Variants in CXCL6 observed in about 807,000 individuals in gnomAD.
CXCL6 encodes C-X-C motif chemokine ligand 6, also known as C-X-C motif chemokine 6.
CXCL6 carries 18 observed loss-of-function variants against 10.5 expected under a neutral mutation model. The ratio of observed to expected loss-of-function variants is 1.71; its 90% CI spans 1.18 to 2.54. The LOEUF is 2.54. CXCL6 is among the 30% of genes most tolerant of loss of function. The probability of loss-of-function intolerance (pLI) is 0.00; values close to 1 mark genes in which losing one functional copy is unlikely to be tolerated. For missense variants in CXCL6, 171 were observed against 145.7 expected, an observed-to-expected ratio of 1.17 and a Z score of -0.90; for synonymous variants, 82 against 68.3, an observed-to-expected ratio of 1.20 and a Z score of -0.99.
In CXCL6 at chr4:73,836,785, C is replaced by T. The variant is rs747964724; in HGVS notation, c.35C>T (p.Pro12Leu). 1.9e-6 allele frequency: 3 copies of T among 1,611,726 alleles called. No homozygotes were observed. Among genetic ancestry groups the T allele is most frequent in the East Asian group, 4.5e-5 (2 of 44,814 alleles). ...CCGTCCAGCCGCGCGGCCCGTGTCCCGGGTCCTTCGGGCTCCTTGTGCGCG... is the reference window on the plus strand; with the variant it reads ...CCGTCCAGCCGCGCGGCCCGTGTCCTGGGTCCTTCGGGCTCCTTGTGCGCG... ...SLPSSRAARV[P>L]GPSGSLCALL... Residue 12 changes from proline to leucine, a missense_variant, in exon 1 of 4, where the codon CCG becomes CTG. By Grantham distance (98) the Pro-to-Leu change is moderately conservative. Transcript: ENST00000226317.
Position 73,838,292 on chromosome 4 carries a change from C to T in CXCL6, c.*651C>T, listed in dbSNP as rs1445603899. The T allele has an allele frequency of 6.6e-6, 1 of 152,084 alleles. No individual in the cohort carries two copies. Among genetic ancestry groups the T allele is most frequent in the Non-Finnish European group, 1.5e-5 (1 of 68,000 alleles). 9.4% of individuals were successfully genotyped at this position (152,084 alleles called of 1,614,324 possible). ...TCCTATGGTTTTAGACGTTTGATGT[C>T]TTCTTAGTATGGCATAATGTCATGA... is the stretch of plus-strand genomic sequence containing the variant. On this transcript the variant is annotated 3_prime_UTR_variant, in exon 4 of 4. Transcript: ENST00000226317.
In CXCL6 at chr4:73,836,731, C is replaced by G. The variant is rs773061109; in HGVS notation, c.-20C>G. The stretch of plus-strand genomic sequence containing the variant: ...CGCCTCCACCCAGCTCAGGAACCCG[C>G]GAACCCTCTCTTGACCACTATGAGC... On this transcript the variant is annotated 5_prime_UTR_variant, in exon 1 of 4. Transcript: ENST00000226317. 1.9e-6 allele frequency: 3 copies of G among 1,595,472 alleles called. No homozygotes were observed. The highest frequency in any genetic ancestry group is 2.7e-5 in the African/African-American group (2 of 74,342).
intron 3 of CXCL6, 23 bp from the exon 4 acceptor site, chr4:73,837,600 T>C (rs1258879377): frequency 6.4e-7 from 1 of 1,567,446 alleles, no homozygotes; most frequent in South Asian, 1.2e-5. Context: ...TTGGTTATAC[T>C]AATATAACTC....
intron 3 of CXCL6, 92 bp from the exon 4 acceptor site, chr4:73,837,531 A>T: frequency 1.5e-6 from 2 of 1,294,406 alleles, no homozygotes; most frequent in East Asian, 4.7e-5. Flanking sequence ...GCTTTTATTG[A>T]TTTTTTTCCC....
rs1234809711 is a variant in CXCL6, at chr4:73,838,049, T to C, written c.*408T>C. ...GAAATAATGTTTTATTAGTGTGCTG[T>C]TGAGGGAGGTATCCTGTTGTTCTTA... On this transcript the variant is annotated 3_prime_UTR_variant, in exon 4 of 4. Transcript: ENST00000226317. 2.5e-5 allele frequency: 4 copies of C among 157,012 alleles called. No individual in the cohort carries two copies. Among genetic ancestry groups the C allele is most frequent in the Admixed American group, 1.9e-4 (3 of 15,408 alleles). The allele number at this position is 157,012 out of a possible 1,614,324, so 9.7% of individuals were successfully genotyped here.
intron 1 of CXCL6, 38 bp from the exon 2 acceptor site, chr4:73,836,926 C>A: frequency 6.2e-7 from 1 of 1,604,476 alleles, no homozygotes; most frequent in Non-Finnish European, 8.5e-7. Context: ...GGGAACTCTC[C>A]CAGCAACCTG....
At position 73,837,641 on chromosome 4, in the gene CXCL6, A is replaced by G; in HGVS notation, c.345A>G (p.Ter115TrpextTer26). 1 of 1,554,418 alleles carries G rather than the reference A, an allele frequency of 6.4e-7. No individual in the cohort carries two copies. Among genetic ancestry groups the G allele is most frequent in the Non-Finnish European group, 8.6e-7 (1 of 1,162,452 alleles). ...TCAACAGTGGAAACAAGAAAAACTGAGTAACAAAAAAGACCATGCATCATA... is the reference window on the plus strand; with the variant it reads ...TCAACAGTGGAAACAAGAAAAACTGGGTAACAAAAAAGACCATGCATCATA... ...KILDSGNKKN[*>W] Residue 115 changes from the stop codon to tryptophan, a stop_lost, in exon 4 of 4, where the codon TGA (stop) becomes TGG (tryptophan). Transcript: ENST00000226317.
Position 73,838,536 on chromosome 4 carries a change from T to A in CXCL6, c.*895T>A, listed in dbSNP as rs1731153411. On this transcript the variant is annotated 3_prime_UTR_variant, in exon 4 of 4. Coordinates refer to ENST00000226317, the MANE Select transcript of CXCL6 (RefSeq NM_002993.4). ...AGTTTTGAAAATATATTTGAACAATTTGAATATAAATTCATCATTTAGTCC... is the reference window on the plus strand; with the variant it reads ...AGTTTTGAAAATATATTTGAACAATATGAATATAAATTCATCATTTAGTCC... 6.6e-6 allele frequency: 1 copy of A among 152,654 alleles called. No homozygotes were observed. Among genetic ancestry groups the A allele is most frequent in the African/African-American group, 2.4e-5 (1 of 41,448 alleles). The allele number at this position is 152,654 out of a possible 1,614,324, so 9.5% of individuals were successfully genotyped here.
At position 73,838,575 on chromosome 4, in the gene CXCL6, A is replaced by G. The variant is rs1396437205; in HGVS notation, c.*934A>G. 6.6e-6 allele frequency: 1 copy of G among 152,652 alleles called. No homozygotes were observed. The highest frequency in any genetic ancestry group is 1.5e-5 in the Non-Finnish European group (1 of 68,028). The allele number at this position is 152,652 out of a possible 1,614,324, so 9.5% of individuals were successfully genotyped here. A position where few individuals can be genotyped will look rare whatever the true frequency, so the allele number is the denominator to read the frequency against. ...ATCATTTAGTCCTCAAAATATATAT[A>G]GCATTGCTAAGATTTTCAGATATCT... On this transcript the variant is annotated 3_prime_UTR_variant, in exon 4 of 4. Transcript: ENST00000226317.
intron 3 of CXCL6, 33 bp downstream of exon 3, chr4:73,837,319 A>T: frequency 1.9e-6 from 3 of 1,539,188 alleles, no homozygotes; most frequent in Non-Finnish European, 2.7e-6. Flanking sequence ...TGGTGTTTTA[A>T]TATCTTCTAT....
intron 3 of CXCL6, 84 bp downstream of exon 3, chr4:73,837,370 G>C: frequency 7.8e-7 from 1 of 1,286,796 alleles, no homozygotes. Context: ...CTCTCTGTAG[G>C]ATTTAGACTA....
chr4:73,838,349 T>G lies in CXCL6; in HGVS notation c.*708T>G, dbSNP rs1731149532. On this transcript the variant is annotated 3_prime_UTR_variant, in exon 4 of 4. Coordinates refer to ENST00000226317, the MANE Select transcript of CXCL6 (RefSeq NM_002993.4). The stretch of plus-strand genomic sequence containing the variant: ...CATTAAACTTTGATTTTGTATGCTA[T>G]TTTTTCACTATAGGATGACTATAAT... 6.6e-6 allele frequency: 1 copy of G among 152,198 alleles called. No individual in the cohort carries two copies. The highest frequency in any genetic ancestry group is 2.1e-4 in the South Asian group (1 of 4,830). 9.4% of individuals were successfully genotyped at this position (152,198 alleles called of 1,614,324 possible).
At chr4:73,837,318 A>T (rs1440946511) in intron 3 of CXCL6, 32 bp downstream of exon 3, 4 of 1,543,938 alleles carry the variant, frequency 2.6e-6, no homozygotes, top group East Asian at 4.5e-5. Context: ...GTGGTGTTTT[A>T]ATATCTTCTA....
At chr4:73,837,419 C>A in intron 3 of CXCL6, 133 bp downstream of exon 3, 1 of 1,067,156 alleles carries the variant, frequency 9.4e-7, no homozygotes, top group East Asian at 2.5e-5. Flanking sequence ...AATAAGGAAA[C>A]TTTTTTTCTG....
chr4:73,838,401 T>A lies in CXCL6; in HGVS notation c.*760T>A, dbSNP rs546476198. 1 of 152,348 alleles carries A rather than the reference T, an allele frequency of 6.6e-6. No individual in the cohort carries two copies. The highest frequency in any genetic ancestry group is 1.5e-5 in the Non-Finnish European group (1 of 68,022). 9.4% of individuals were successfully genotyped at this position (152,348 alleles called of 1,614,324 possible). On this transcript the variant is annotated 3_prime_UTR_variant, in exon 4 of 4. Coordinates refer to ENST00000226317, the MANE Select transcript of CXCL6 (RefSeq NM_002993.4). ...CTGGTCACTAAATATACACTTTAGA[T>A]AGATGAAGAAGCCCAAAAACAGATA...
chr4:73,837,019 G>A lies in CXCL6; in HGVS notation c.165G>A (p.Thr55=), dbSNP rs1184248542. The A allele has an allele frequency of 1.9e-6, 3 of 1,613,664 alleles. No homozygotes were observed. Among genetic ancestry groups the A allele is most frequent in the African/African-American group, 1.3e-5 (1 of 74,916 alleles). Residue 55 remains threonine, a synonymous_variant, in exon 2 of 4, where the codon ACG becomes ACA. Transcript: ENST00000226317. ...TELRCTCLRV[T]LRVNPKTIGK... is the part of the protein sequence containing the mutation. Reference sequence around the variant, plus strand: ...TGCGTTGCACTTGTTTACGCGTTACGCTGAGAGTAAACCCCAAAACGATTG... The same window carrying A: ...TGCGTTGCACTTGTTTACGCGTTACACTGAGAGTAAACCCCAAAACGATTG...
chr4:73,837,185 T>A lies in CXCL6; in HGVS notation c.243-18T>A, dbSNP rs1403890898. The A allele has an allele frequency of 1.2e-6, 2 of 1,614,070 alleles. No homozygotes were observed. ...ACCTTTGTGGCTCATGGGTGCATCC[T>A]CTTTTTCTTTACTTCAGAGCCTCCC... On this transcript the variant is annotated intron_variant, in intron 2 of 3. Transcript: ENST00000226317.
chr4:73,837,455 C>T, intron 3 of CXCL6, 168 bp from the exon 4 acceptor site: 1 of 908,774 alleles, frequency 1.1e-6, no homozygotes, highest in Non-Finnish European at 1.7e-6. Context: ...ACCTTTATCA[C>T]CAATCTTACA....
chr4:73,838,022 T>C lies in CXCL6; in HGVS notation c.*381T>C. On this transcript the variant is annotated 3_prime_UTR_variant, in exon 4 of 4. Coordinates refer to ENST00000226317, the MANE Select transcript of CXCL6 (RefSeq NM_002993.4). ...TACCGAAAAGGCTGTGGATTTCGTATGGAAATAATGTTTTATTAGTGTGCT... is the reference window on the plus strand; with the variant it reads ...TACCGAAAAGGCTGTGGATTTCGTACGGAAATAATGTTTTATTAGTGTGCT... 6.0e-6 allele frequency: 1 copy of C among 165,604 alleles called. No homozygotes were observed. Among genetic ancestry groups the C allele is most frequent in the African/African-American group, 2.4e-5 (1 of 42,140 alleles). 10.3% of individuals were successfully genotyped at this position (165,604 alleles called of 1,614,324 possible).
Sources: gnomAD v4.1 joint callset for allele counts on GRCh38, gnomAD v4.1.1 for gene constraint, MANE v1.5 for transcripts, NCBI Gene and HGNC (gene_info 2026-07-23, HGNC 2026-07-21) for gene names.